Variants in DGKD observed in about 807,000 individuals in gnomAD.
DGKD encodes diacylglycerol kinase delta.
Under a neutral mutation model 154.4 loss-of-function variants are expected in DGKD, and 68 were observed. The observed-to-expected ratio is 0.44, with a 90% CI of 0.36 to 0.54. The LOEUF (loss-of-function observed/expected upper bound fraction) is 0.54, where lower values mean the gene tolerates loss of function less well. DGKD is among the 20% of genes least tolerant of loss of function. The pLI is 0.00. For missense variants in DGKD, 1,343 were observed against 1,593.6 expected (o/e 0.84, Z 2.68); for synonymous variants, 693 against 638.0 (o/e 1.09, Z -1.30).
intron 1 of DGKD, among the ~76,000 whole-genome samples, chr2:233,380,749 G>A (rs77644083): frequency 6.6e-6 from 1 of 152,162 alleles, no homozygotes; most frequent in Non-Finnish European, 1.5e-5. Context: ...AGGAAAGTGG[G>A]TGTGAACTCC....
Position 233,470,628 on chromosome 2 carries a change from G to A in DGKD, c.*1168G>A, listed in dbSNP as rs773120749. 1.3e-5 allele frequency: 2 copies of A among 152,538 alleles called. No homozygotes were observed. Among genetic ancestry groups the A allele is most frequent in the Non-Finnish European group, 2.9e-5 (2 of 68,180 alleles). The allele number at this position is 152,538 out of a possible 1,614,324, so 9.4% of individuals were successfully genotyped here. ...CTGGGGAGAGGGCTGTGCCCCGTAG[G>A]GACAGTGCCCAGGTGAAGGATGCCC... On this transcript the variant is annotated 3_prime_UTR_variant, in exon 30 of 30. Transcript: ENST00000264057.
chr2:233,383,853 G>A (rs1477753195), intron 1 of DGKD, among the ~76,000 whole-genome samples: 2 of 152,100 alleles, frequency 1.3e-5, no homozygotes, highest in East Asian at 1.9e-4. Flanking sequence ...ATTTACTTAC[G>A]GGAATATCCA....
chr2:233,401,119 T>C (rs1288287388), intron 3 of DGKD, among the ~76,000 whole-genome samples: 1 of 151,916 alleles, frequency 6.6e-6, no homozygotes, highest in Non-Finnish European at 1.5e-5. Flanking sequence ...CTAGCTCAGC[T>C]TCTTCCAAGC....
intron 27 of DGKD, among the ~76,000 whole-genome samples, chr2:233,466,486 T>C (rs1448153176): frequency 6.6e-6 from 1 of 152,176 alleles, no homozygotes; most frequent in Non-Finnish European, 1.5e-5. Flanking sequence ...TTGGAGTGTC[T>C]CTTATAAAGA....
intron 12 of DGKD, 131 bp downstream of exon 12, chr2:233,446,927 G>C: frequency 9.7e-7 from 1 of 1,035,198 alleles, no homozygotes; most frequent in Non-Finnish European, 1.4e-6. Flanking sequence ...TCAGGCCTGC[G>C]GAGGCGCAGG....
chr2:233,468,612 C>G (rs2063901989), intron 29 of DGKD, 59 bp downstream of exon 29: 4 of 1,603,786 alleles, frequency 2.5e-6, no homozygotes, highest in Non-Finnish European at 1.7e-6. Flanking sequence ...GCTCCCTTCT[C>G]TTCCATCCTC....
In DGKD at chr2:233,449,063, C is replaced by A. The variant is rs115009072; in HGVS notation, c.1615-40C>A. 978 of 1,548,620 alleles carry A rather than the reference C, an allele frequency of 6.3e-4. 9 individuals carry two copies. The African/African-American group carries it at 0.011, about 18-fold the overall frequency. On this transcript the variant is annotated intron_variant, in intron 14 of 29. Coordinates refer to ENST00000264057, the MANE Select transcript of DGKD (RefSeq NM_152879.3). The surrounding 1 kb of genome is among the most constrained non-coding windows in gnomAD (Gnocchi z 5.3). ...GTTCCCTGCCTGCAGACCCTGTTCT[C>A]CTGCCTCAGCTCTGCATGCCATTTC...
intron 3 of DGKD, among the ~76,000 whole-genome samples, chr2:233,392,841 G>A (rs1275164428): frequency 1.3e-5 from 2 of 152,168 alleles, no homozygotes; most frequent in African/African-American, 4.8e-5. Flanking sequence ...AAAGTTAGTA[G>A]CGTGTACTGT....
intron 3 of DGKD, among the ~76,000 whole-genome samples, chr2:233,393,628 A>G (rs2125453458): frequency 6.7e-6 from 1 of 149,112 alleles, no homozygotes; most frequent in South Asian, 2.1e-4. Flanking sequence ...GTAAGGCACC[A>G]TGCTGGGCCC....
At chr2:233,413,997 A>T (rs1037091528) in intron 3 of DGKD, among the ~76,000 whole-genome samples, 3 of 152,228 alleles carry the variant, frequency 2.0e-5, no homozygotes, top group African/African-American at 7.2e-5. Context: ...ACCACCTCTG[A>T]GCATCCAAAT....
chr2:233,389,103 A>G (rs1703401296), intron 2 of DGKD: 1 of 151,928 alleles, frequency 6.6e-6, no homozygotes, highest in Admixed American at 6.6e-5. Flanking sequence ...GACCTCAAGT[A>G]ATCTGCCCGC....
At chr2:233,426,740 T>G (rs367578800) in intron 3 of DGKD, among the ~76,000 whole-genome samples, 8 of 152,198 alleles carry the variant, frequency 5.3e-5, no homozygotes, top group African/African-American at 1.9e-4. Flanking sequence ...CGTTTGCATT[T>G]CTGTGGGATG....
At chr2:233,416,039 C>T (rs1250006842) in intron 3 of DGKD, among the ~76,000 whole-genome samples, 1 of 152,178 alleles carries the variant, frequency 6.6e-6, no homozygotes, top group Non-Finnish European at 1.5e-5. Context: ...GTGTGAACCT[C>T]CAGTTTTCCC....
At chr2:233,434,267 C>A in intron 3 of DGKD, 113 bp from the exon 4 acceptor site, 1 of 771,452 alleles carries the variant, frequency 1.3e-6, no homozygotes, top group Admixed American at 2.5e-5. Flanking sequence ...GTGTGAATAC[C>A]TGAATGAAAT....
intron 3 of DGKD, among the ~76,000 whole-genome samples, chr2:233,411,519 A>G (rs571364167): frequency 1.3e-5 from 2 of 152,024 alleles, no homozygotes; most frequent in South Asian, 4.2e-4. Context: ...ACATTTATCC[A>G]TTTTTTTAAT....
chr2:233,457,668 A>G lies in DGKD; in HGVS notation c.2580+340A>G. The G allele has an allele frequency of 2.2e-6, 1 of 448,092 alleles. No individual in the cohort carries two copies. Among genetic ancestry groups the G allele is most frequent in the Non-Finnish European group, 4.4e-6 (1 of 226,540 alleles). The allele number at this position is 448,092 out of a possible 1,614,324, so 27.8% of individuals were successfully genotyped here. On this transcript the variant is annotated intron_variant, in intron 21 of 29. Coordinates refer to ENST00000264057, the MANE Select transcript of DGKD (RefSeq NM_152879.3). The surrounding 1 kb of genome is among the most constrained non-coding windows in gnomAD (Gnocchi z 5.5). ...AGTTAGGTGGGCAGAGGAGAGGGGG[A>G]GGCTGTTCCAGGCAGAGAGAATTGC...
chr2:233,387,532 G>A (rs995744232), intron 1 of DGKD, among the ~76,000 whole-genome samples: 3 of 152,214 alleles, frequency 2.0e-5, no homozygotes, highest in Admixed American at 6.5e-5. Context: ...TGCGTAAGGC[G>A]GGAGAGCAGC....
At chr2:233,454,271 G>C (rs547462220) in intron 18 of DGKD, 3 of 421,900 alleles carry the variant, frequency 7.1e-6, no homozygotes, top group South Asian at 5.2e-5. Flanking sequence ...GGTTAGCCAC[G>C]CAGTGGAGTA....
intron 3 of DGKD, among the ~76,000 whole-genome samples, chr2:233,433,855 T>C (rs2062608036): frequency 6.6e-6 from 1 of 152,244 alleles, no homozygotes; most frequent in East Asian, 1.9e-4. Flanking sequence ...ATTTGTTGAT[T>C]ATTACCAGGT....
Sources: gnomAD v4.1 joint callset for allele counts (sites outside exome capture counted in the v4.1 genomes callset) on GRCh38, gnomAD v4.1.1 for gene constraint, Gnocchi (gnomAD v3.1) non-coding constraint, MANE v1.5 for transcripts, NCBI Gene and HGNC (gene_info 2026-07-23, HGNC 2026-07-21) for gene names.